NFATC1: variants seen among roughly 807,000 people sequenced by gnomAD.
The protein encoded by NFATC1 is nuclear factor of activated T cells 1.
In NFATC1, 22 loss-of-function variants were observed where a neutral mutation model predicts 76.0. The observed-to-expected ratio is 0.29, with a 90% CI of 0.21 to 0.41. The LOEUF (loss-of-function observed/expected upper bound fraction) is 0.41. Among genes scored for constraint, NFATC1 ranks in the 10% least tolerant of loss-of-function variants. The pLI is 1.00. For missense variants in NFATC1, 1,357 were observed against 1,337.7 expected, an observed-to-expected ratio of 1.01 and a Z score of -0.23; for synonymous variants, 704 against 613.1, an observed-to-expected ratio of 1.15 and a Z score of -2.19.
chr18:79,453,406 T>C (rs974079650), intron 6 of NFATC1, among the ~76,000 whole-genome samples: 1 of 152,160 alleles, frequency 6.6e-6, no homozygotes, highest in Non-Finnish European at 1.5e-5. Flanking sequence ...CACGGCGCCA[T>C]GGGTAAGGGC....
chr18:79,509,215 G>A (rs1032079535), intron 9 of NFATC1, among the ~76,000 whole-genome samples: 1 of 152,208 alleles, frequency 6.6e-6, no homozygotes, highest in Non-Finnish European at 1.5e-5. Flanking sequence ...TCCACTTCCT[G>A]TTCCCCTTTT....
rs1027348819 is a variant in NFATC1 at position 79,431,859 on chromosome 18, C to T, written c.1227-1720C>T. On this transcript the variant is annotated intron_variant, in intron 2 of 9. Transcript: ENST00000427363. ...CTGGGACTACAGGCCTCCGCCACCACGCCCGGCTAATTTTTGTATTTTTAG... is the reference window on the plus strand; with the variant it reads ...CTGGGACTACAGGCCTCCGCCACCATGCCCGGCTAATTTTTGTATTTTTAG... Among the ~76,000 whole-genome samples, 127 of 152,200 alleles carry T rather than the reference C, an allele frequency of 8.3e-4. 1 individual carries two copies. The highest frequency in any genetic ancestry group is 3.2e-3 in the Middle Eastern group (1 of 316).
intron 9 of NFATC1, among the ~76,000 whole-genome samples, chr18:79,494,053 G>T (rs529460349): frequency 6.6e-6 from 1 of 152,324 alleles, no homozygotes; most frequent in South Asian, 2.1e-4. Context: ...GAGGTGAGGC[G>T]GCCACCAGAG....
chr18:79,459,893 A>G (rs971726230), intron 6 of NFATC1, among the ~76,000 whole-genome samples: 3 of 152,222 alleles, frequency 2.0e-5, no homozygotes, highest in East Asian at 3.8e-4. Flanking sequence ...CTGTGGCATC[A>G]GCACCTGTGC....
intron 3 of NFATC1, among the ~76,000 whole-genome samples, chr18:79,436,902 C>T (rs190006284): frequency 2.1e-3 from 326 of 152,218 alleles, no homozygotes; most frequent in African/African-American, 7.1e-3. Context: ...GTTCCCACGC[C>T]GGGGAGAGAC....
intron 8 of NFATC1, among the ~76,000 whole-genome samples, 186 bp from the exon 9 acceptor site, chr18:79,486,062 C>T (rs1166716451): frequency 1.3e-5 from 2 of 151,690 alleles, no homozygotes; most frequent in Non-Finnish European, 2.9e-5. Flanking sequence ...GTATTAGAAC[C>T]AGCTGCTACT....
chr18:79,470,026 C>T (rs1569001064), intron 8 of NFATC1: 2 of 984,880 alleles, frequency 2.0e-6, no homozygotes, highest in Non-Finnish European at 2.4e-6. Flanking sequence ...CCCAGGTATC[C>T]GTGTTCCGTC....
chr18:79,400,283 G>A, intron 1 of NFATC1: 1 of 1,215,302 alleles, frequency 8.2e-7, no homozygotes. Context: ...CGGGGACGGG[G>A]GGAGGGGCGG....
rs188212340 is a variant in NFATC1, at chr18:79,496,554, C to T, written c.2782+9617C>T. ...GCACGGGCACGTTCAGGTGATCTTC[C>T]TGATAGCAAAGTGCGTTTCTGCGCA... On this transcript the variant is annotated intron_variant, in intron 9 of 9. Transcript: ENST00000427363. 362 of 152,386 alleles carry T rather than the reference C, an allele frequency of 2.4e-3. 3 individuals are homozygous for T. Among genetic ancestry groups the T allele is most frequent in the African/African-American group, 8.3e-3 (344 of 41,584 alleles). The allele number at this position is 152,386 out of a possible 1,614,324, so 9.4% of individuals were successfully genotyped here.
At position 79,441,580 on chromosome 18, in the gene NFATC1, T is replaced by G. The variant is rs114245465; in HGVS notation, c.1387-7202T>G. On this transcript the variant is annotated intron_variant, in intron 3 of 9. Coordinates refer to ENST00000427363, the MANE Select transcript of NFATC1 (RefSeq NM_001278669.2). Reference sequence around the variant, plus strand: ...TCCCGGCTGTGGGTGGGCTGTGACCTGAGCCCGTCAGGCCCTGCTGGGGTA... The same window carrying G: ...TCCCGGCTGTGGGTGGGCTGTGACCGGAGCCCGTCAGGCCCTGCTGGGGTA... Among the ~76,000 whole-genome samples, 978 of 152,292 alleles carry G rather than the reference T, an allele frequency of 6.4e-3. 12 individuals are homozygous for G. The highest frequency in any genetic ancestry group is 0.022 in the African/African-American group (924 of 41,544).
rs934941948 is a variant in NFATC1, at chr18:79,413,241, G to A, written c.1226+1740G>A. ...ACTGGGACTTGGCATGAGGAGTGTC[G>A]TAATGCAGTTGTGAACCTTTGGGTG... is the stretch of plus-strand genomic sequence containing the variant. On this transcript the variant is annotated intron_variant, in intron 2 of 9. Coordinates refer to ENST00000427363, the MANE Select transcript of NFATC1 (RefSeq NM_001278669.2). Among the ~76,000 whole-genome samples, 10 of 152,320 alleles carry A rather than the reference G, an allele frequency of 6.6e-5. No individual in the cohort carries two copies. In the East Asian group the frequency reaches 1.2e-3, roughly 18 times the overall value.
intron 9 of NFATC1, among the ~76,000 whole-genome samples, chr18:79,516,430 A>C (rs2090385375): frequency 6.6e-6 from 1 of 152,250 alleles, no homozygotes; most frequent in Non-Finnish European, 1.5e-5. Context: ...TCTTTGAAAA[A>C]TGCAGAATCG....
intron 3 of NFATC1, among the ~76,000 whole-genome samples, chr18:79,443,481 T>C (rs2087065980): frequency 6.6e-6 from 1 of 152,186 alleles, no homozygotes. Flanking sequence ...CCTGTTCCTG[T>C]CATGGGAAGG....
At chr18:79,467,656 C>A in intron 8 of NFATC1, 74 bp downstream of exon 8, 1 of 1,593,134 alleles carries the variant, frequency 6.3e-7, no homozygotes, top group Non-Finnish European at 8.6e-7. Flanking sequence ...GCAGAAACGA[C>A]GTCGCCGTAA....
chr18:79,421,618 T>C (rs1444371412), intron 2 of NFATC1: 1 of 152,286 alleles, frequency 6.6e-6, no homozygotes, highest in Non-Finnish European at 1.5e-5. Flanking sequence ...TCTGGACAGG[T>C]GCGGGGCAGG....
intron 9 of NFATC1, among the ~76,000 whole-genome samples, chr18:79,506,031 G>A (rs1569039293): frequency 6.6e-6 from 1 of 152,202 alleles, no homozygotes; most frequent in Non-Finnish European, 1.5e-5. Context: ...CTTCTCAAGG[G>A]TGCATTACCT....
chr18:79,445,936 G>A (rs945429312), intron 3 of NFATC1, among the ~76,000 whole-genome samples: 2 of 152,208 alleles, frequency 1.3e-5, no homozygotes, highest in Non-Finnish European at 2.9e-5. Context: ...CACCGTGTAA[G>A]TGCTGAGGTC....
chr18:79,524,433 GCT>G lies in NFATC1; in HGVS notation c.2783-3090_2783-3089del, dbSNP rs1422303231. On this transcript the variant is annotated intron_variant, in intron 9 of 9. Coordinates refer to ENST00000427363, the MANE Select transcript of NFATC1 (RefSeq NM_001278669.2). The surrounding 1 kb of genome is among the most constrained non-coding windows in gnomAD (Gnocchi z 7.2). ...GAGTGGTGTCAGGGTTGTCCATCCC[GCT>G]CTCTGTCAGCTGCTGCCATGGGGCA... 1.3e-5 allele frequency among the ~76,000 whole-genome samples: 2 copies of G among 152,232 alleles called. No individual in the cohort carries two copies. Among genetic ancestry groups the G allele is most frequent in the South Asian group, 2.1e-4 (1 of 4,834 alleles).
intron 8 of NFATC1, chr18:79,470,116 TC>T: frequency 2.0e-6 from 1 of 497,588 alleles, no homozygotes; most frequent in Non-Finnish European, 2.6e-6. Context: ...ACCTGCGTCC[TC>T]CGTGCTGTGC....
Sources: gnomAD v4.1 joint callset for allele counts (sites outside exome capture counted in the v4.1 genomes callset) on GRCh38, gnomAD v4.1.1 for gene constraint, Gnocchi (gnomAD v3.1) non-coding constraint, MANE v1.5 for transcripts, NCBI Gene and HGNC (gene_info 2026-07-23, HGNC 2026-07-21) for gene names.